Variants in NFATC3 observed in about 807,000 individuals in gnomAD.
The protein encoded by NFATC3 is nuclear factor of activated T-cells, cytoplasmic 3.
Under a neutral mutation model 98.6 loss-of-function variants are expected in NFATC3, and 46 were observed. The ratio of observed to expected loss-of-function variants is 0.47; its 90% CI spans 0.37 to 0.60. The LOEUF is 0.60. Ranked by LOEUF, NFATC3 falls within the 20% of genes least tolerant of loss-of-function variation. The pLI, the probability that NFATC3 is intolerant of heterozygous loss-of-function variation, is 0.00. For missense variants in NFATC3, 1,256 were observed against 1,295.5 expected (o/e 0.97, Z 0.47); for synonymous variants, 512 against 472.2 (o/e 1.08, Z -1.09).
intron 1 of NFATC3, among the ~76,000 whole-genome samples, chr16:68,121,677 A>G (rs958809526): frequency 1.3e-5 from 2 of 151,866 alleles, no homozygotes; most frequent in African/African-American, 4.8e-5. Context: ...TGTCTCAAAA[A>G]AAAAAAAAAA....
At chr16:68,182,546 A>G (rs997901448) in intron 7 of NFATC3, among the ~76,000 whole-genome samples, 3 of 152,178 alleles carry the variant, frequency 2.0e-5, no homozygotes, top group Middle Eastern at 3.4e-3. Flanking sequence ...TTTTAGATGG[A>G]GTCTAGCTCT....
rs777170383 is a variant in NFATC3, at chr16:68,122,794, G to A, written c.911G>A (p.Ser304Asn). 1 of 1,614,272 alleles carries A rather than the reference G, an allele frequency of 6.2e-7. No homozygotes were observed. The highest frequency in any genetic ancestry group is 2.2e-5 in the East Asian group (1 of 44,890). ...VPSPGHSPRGSVTEDTWLNAS... is the reference protein window; with the variant it reads ...VPSPGHSPRGNVTEDTWLNAS... ...TCACCTGGTCACTCCCCCAGGGGAA[G>A]TGTGACAGAAGATACGTGGCTCAAT... Residue 304 changes from serine to asparagine, a missense_variant, in exon 2 of 10, where the codon AGT becomes AAT. This residue lies in a region of NFATC3 where 464 missense variants were observed against 465.7 expected (regional missense o/e 1.00). Transcript: ENST00000346183.
intron 3 of NFATC3, among the ~76,000 whole-genome samples, chr16:68,151,807 G>A (rs574825663): frequency 4.3e-4 from 65 of 152,190 alleles, no homozygotes; most frequent in East Asian, 2.7e-3. Context: ...AGTGGCTCAC[G>A]CCTGTAATCC....
At chr16:68,202,838 A>T (rs55857142) in intron 9 of NFATC3, among the ~76,000 whole-genome samples, 18,409 of 151,514 alleles carry the variant, frequency 0.12, 1,266 homozygotes, top group South Asian at 0.2. Flanking sequence ...ATAATAAAAA[A>T]AAATAAATAA....
At chr16:68,201,721 TG>T (rs1327233676) in intron 9 of NFATC3, among the ~76,000 whole-genome samples, 3 of 149,668 alleles carry the variant, frequency 2.0e-5, no homozygotes, top group South Asian at 4.2e-4. Context: ...GAGGCTTAGG[TG>T]GGTGGATCAC....
chr16:68,182,583 T>C (rs2039993828), intron 7 of NFATC3, among the ~76,000 whole-genome samples: 1 of 152,100 alleles, frequency 6.6e-6, no homozygotes, highest in African/African-American at 2.4e-5. Context: ...TGCAGTGGTG[T>C]AGTCTCGGCT....
chr16:68,188,548 G>T (rs2151108392), intron 8 of NFATC3, among the ~76,000 whole-genome samples: 1 of 152,344 alleles, frequency 6.6e-6, no homozygotes, highest in African/African-American at 2.4e-5. Flanking sequence ...GGCCACTCTA[G>T]ATGGGCAACC....
intron 4 of NFATC3, among the ~76,000 whole-genome samples, chr16:68,159,094 C>CG (rs2038758113): frequency 6.6e-6 from 1 of 152,100 alleles, no homozygotes; most frequent in Non-Finnish European, 1.5e-5. Flanking sequence ...TAGCCGAGTG[C>CG]GGTTGCGCCT....
intron 9 of NFATC3, among the ~76,000 whole-genome samples, chr16:68,205,932 C>T (rs1222707642): frequency 1.3e-5 from 2 of 150,980 alleles, no homozygotes; most frequent in South Asian, 2.1e-4. Flanking sequence ...GATTCTCGCT[C>T]TACTGCCCAG....
intron 1 of NFATC3, among the ~76,000 whole-genome samples, chr16:68,101,310 A>G (rs1435646686): frequency 2.6e-5 from 4 of 151,764 alleles, no homozygotes; most frequent in Non-Finnish European, 5.9e-5. Flanking sequence ...TGCCCCGCCA[A>G]TTTTTAAATT....
At chr16:68,221,237 C>G (rs978324037) in intron 9 of NFATC3, 2 of 1,614,010 alleles carry the variant, frequency 1.2e-6, no homozygotes, top group South Asian at 2.2e-5. Flanking sequence ...TCAGTTGAGA[C>G]CTACGTTTTG....
chr16:68,192,246 T>TAC (rs2040459178), intron 9 of NFATC3: 1 of 113,304 alleles, frequency 8.8e-6, no homozygotes, highest in Non-Finnish European at 1.9e-5. Flanking sequence ...TATATATATA[T>TAC]ATATATATGT....
chr16:68,165,450 G>T (rs1457673737), intron 4 of NFATC3, among the ~76,000 whole-genome samples: 1 of 143,142 alleles, frequency 7.0e-6, no homozygotes, highest in East Asian at 2.0e-4. Context: ...AGGCTGGAGT[G>T]CAGTGGCGTG....
chr16:68,145,692 A>G (rs1292939610), intron 3 of NFATC3, among the ~76,000 whole-genome samples: 1 of 152,206 alleles, frequency 6.6e-6, no homozygotes, highest in Admixed American at 6.5e-5. Flanking sequence ...GGTGCCAGGA[A>G]ACAGGGTCAG....
chr16:68,175,059 G>A (rs1002085842), intron 6 of NFATC3, among the ~76,000 whole-genome samples: 1 of 152,084 alleles, frequency 6.6e-6, no homozygotes, highest in South Asian at 2.1e-4. Context: ...AACAAAATGT[G>A]ATATATCCAT....
At chr16:68,151,281 A>G (rs1295405404) in intron 3 of NFATC3, among the ~76,000 whole-genome samples, 1 of 150,716 alleles carries the variant, frequency 6.6e-6, no homozygotes, top group Non-Finnish European at 1.5e-5. Flanking sequence ...GATAATGACT[A>G]TAGAAGACAC....
intron 1 of NFATC3, among the ~76,000 whole-genome samples, chr16:68,105,530 T>C (rs1314297358): frequency 6.6e-6 from 1 of 152,166 alleles, no homozygotes; most frequent in Admixed American, 6.5e-5. Flanking sequence ...CTAGTGTATA[T>C]TTTGTTGAGG....
chr16:68,159,854 G>A (rs1007261702), intron 4 of NFATC3, among the ~76,000 whole-genome samples: 97 of 151,722 alleles, frequency 6.4e-4, no homozygotes, highest in African/African-American at 2.0e-3. Flanking sequence ...GAGGTGGGCG[G>A]ATTACCTGAG....
chr16:68,126,175 C>T (rs896357651), intron 2 of NFATC3, among the ~76,000 whole-genome samples: 1 of 152,156 alleles, frequency 6.6e-6, no homozygotes, highest in Non-Finnish European at 1.5e-5. Flanking sequence ...TGAGCCACCG[C>T]ACCTGGCCTT....
Sources: gnomAD v4.1 joint callset for allele counts (sites outside exome capture counted in the v4.1 genomes callset) on GRCh38, gnomAD v4.1.1 for gene constraint, gnomAD v4.1.1 regional missense constraint, MANE v1.5 for transcripts, NCBI Gene and HGNC (gene_info 2026-07-23, HGNC 2026-07-21) for gene names.